The following AHCYL2 variants were observed in gnomAD, a reference collection of about 807,000 sequenced individuals.
AHCYL2 encodes the protein S-adenosylhomocysteine hydrolase-like protein 2.
AHCYL2 carries 28 observed loss-of-function variants against 81.4 expected under a neutral mutation model. That is an observed-to-expected ratio of 0.34 (90% CI 0.25 to 0.47). AHCYL2 has a LOEUF of 0.47. AHCYL2 is among the 20% of genes least tolerant of loss of function. The pLI, the probability that AHCYL2 is intolerant of heterozygous loss-of-function variation, is 1.00. For missense variants in AHCYL2, 551 were observed against 785.1 expected, an observed-to-expected ratio of 0.70 and a Z score of 3.56; for synonymous variants, 272 against 290.2, an observed-to-expected ratio of 0.94 and a Z score of 0.64.
intron 1 of AHCYL2, among the ~76,000 whole-genome samples, chr7:129,334,659 G>A (rs1162526699): frequency 6.6e-6 from 1 of 152,154 alleles, no homozygotes; most frequent in African/African-American, 2.4e-5. Context: ...AACTGCCCCA[G>A]GAGGCTGGTA....
intron 1 of AHCYL2, among the ~76,000 whole-genome samples, chr7:129,281,638 A>G (rs1376109382): frequency 1.3e-5 from 2 of 151,774 alleles, no homozygotes; most frequent in Non-Finnish European, 2.9e-5. Flanking sequence ...CTGGGACTAC[A>G]TGCCTGGCAC....
chr7:129,263,129 G>T (rs1330712407), intron 1 of AHCYL2, among the ~76,000 whole-genome samples: 1 of 152,176 alleles, frequency 6.6e-6, no homozygotes, highest in African/African-American at 2.4e-5. Context: ...AGTTTAGTCT[G>T]TTATGTTGTG....
intron 1 of AHCYL2, among the ~76,000 whole-genome samples, chr7:129,307,297 G>A (rs563183273): frequency 6.6e-6 from 1 of 152,282 alleles, no homozygotes; most frequent in South Asian, 2.1e-4. Flanking sequence ...TTCCATTGCA[G>A]CTATGCTGGC....
At chr7:129,269,829 C>T (rs1795946910) in intron 1 of AHCYL2, among the ~76,000 whole-genome samples, 1 of 152,168 alleles carries the variant, frequency 6.6e-6, no homozygotes, top group South Asian at 2.1e-4. Flanking sequence ...ATATCCTTAT[C>T]ACTAAATGCA....
chr7:129,383,244 T>A (rs1050974270), intron 2 of AHCYL2, among the ~76,000 whole-genome samples: 6 of 152,114 alleles, frequency 3.9e-5, no homozygotes, highest in African/African-American at 1.4e-4. Context: ...TGGCTTACTG[T>A]AGCCTCGAAC....
chr7:129,369,250 A>G (rs954255576), intron 1 of AHCYL2, among the ~76,000 whole-genome samples: 2 of 152,172 alleles, frequency 1.3e-5, no homozygotes, highest in Non-Finnish European at 2.9e-5. Flanking sequence ...GTTTCTAAAT[A>G]GTTTCTTCTA....
chr7:129,395,415 G>A (rs1016379546), intron 4 of AHCYL2, among the ~76,000 whole-genome samples: 2 of 152,186 alleles, frequency 1.3e-5, no homozygotes, highest in African/African-American at 4.8e-5. Flanking sequence ...TCTCCTATCT[G>A]TAGCAGCCAA....
intron 1 of AHCYL2, among the ~76,000 whole-genome samples, chr7:129,358,244 T>A (rs936239964): frequency 3.3e-5 from 5 of 151,678 alleles, no homozygotes; most frequent in Admixed American, 6.6e-5. Context: ...ATACAAAAAT[T>A]AGCCGGGCGT....
Position 129,429,869 on chromosome 7 carries a change from T to C in AHCYL2, c.*2824T>C, listed in dbSNP as rs1797511067. On this transcript the variant is annotated 3_prime_UTR_variant, in exon 17 of 17. Coordinates refer to ENST00000325006, the MANE Select transcript of AHCYL2 (RefSeq NM_015328.4). Reference sequence around the variant, plus strand: ...TAAACAGATCTGATATTGCTGCTCCTGTGGTTTTCTCAAAATTAACTTTGC... The same window carrying C: ...TAAACAGATCTGATATTGCTGCTCCCGTGGTTTTCTCAAAATTAACTTTGC... 6.5e-6 allele frequency: 1 copy of C among 152,734 alleles called. No individual in the cohort carries two copies. The highest frequency in any genetic ancestry group is 2.4e-5 in the African/African-American group (1 of 41,574). The allele number at this position is 152,734 out of a possible 1,614,324, so 9.5% of individuals were successfully genotyped here. A position where few individuals can be genotyped will look rare whatever the true frequency, so the allele number is the denominator to read the frequency against.
At chr7:129,348,405 C>A (rs1240142970) in intron 1 of AHCYL2, among the ~76,000 whole-genome samples, 1 of 147,566 alleles carries the variant, frequency 6.8e-6, no homozygotes, top group South Asian at 2.3e-4. Context: ...CCCCCCCCCA[C>A]ACACACACAT....
intron 2 of AHCYL2, among the ~76,000 whole-genome samples, chr7:129,386,831 TAGG>T (rs1294051590): frequency 6.6e-6 from 1 of 152,162 alleles, no homozygotes; most frequent in African/African-American, 2.4e-5. Context: ...GGTAGATTAG[TAGG>T]AGATGATGGA....
intron 1 of AHCYL2, among the ~76,000 whole-genome samples, chr7:129,267,496 G>C (rs1227510968): frequency 6.6e-6 from 1 of 151,834 alleles, no homozygotes; most frequent in African/African-American, 2.4e-5. Flanking sequence ...GTAGAGACAG[G>C]GTTTCTCCAT....
chr7:129,306,644 C>T (rs568841588), intron 1 of AHCYL2, among the ~76,000 whole-genome samples: 16 of 152,186 alleles, frequency 1.1e-4, no homozygotes, highest in African/African-American at 3.4e-4. Context: ...GGTCTTGATG[C>T]TTGTGGATGT....
intron 11 of AHCYL2, chr7:129,410,018 G>T: frequency 1.4e-6 from 1 of 739,662 alleles, no homozygotes; most frequent in Non-Finnish European, 2.2e-6. Flanking sequence ...GGTACATTCT[G>T]CTTGACTGCA....
In AHCYL2 at chr7:129,355,309, T is replaced by G. The variant is rs114259552; in HGVS notation, c.364-24329T>G. Among the ~76,000 whole-genome samples the G allele has an allele frequency of 7.2e-3, 1,092 of 152,348 alleles. 11 individuals are homozygous for G. The highest frequency in any genetic ancestry group is 0.024 in the African/African-American group (998 of 41,574). On this transcript the variant is annotated intron_variant, in intron 1 of 16. Coordinates refer to ENST00000325006, the MANE Select transcript of AHCYL2 (RefSeq NM_015328.4). ...AGTGTTCTTAAGCTCAAAAAGGCTGTGATGTGTGTTACTGAGAAAATGTGT... is the reference window on the plus strand; with the variant it reads ...AGTGTTCTTAAGCTCAAAAAGGCTGGGATGTGTGTTACTGAGAAAATGTGT...
chr7:129,260,236 A>G lies in AHCYL2; in HGVS notation c.363+34797A>G, dbSNP rs1484182310. Among the ~76,000 whole-genome samples, 29 of 152,176 alleles carry G rather than the reference A, an allele frequency of 1.9e-4. 1 individual carries two copies. The highest frequency in any genetic ancestry group is 1.9e-3 in the Admixed American group (29 of 15,282). ...TTTGTTGAGTTGTCATTCAGATCAC[A>G]ACAGATACTCTTGTATAACTGTCTT... On this transcript the variant is annotated intron_variant, in intron 1 of 16. Transcript: ENST00000325006.
chr7:129,318,547 A>T (rs1797903290), intron 1 of AHCYL2, among the ~76,000 whole-genome samples: 1 of 152,270 alleles, frequency 6.6e-6, no homozygotes, highest in South Asian at 2.1e-4. Flanking sequence ...ATTGTGGAAG[A>T]TAACGGATTA....
chr7:129,346,864 G>A (rs80103625), intron 1 of AHCYL2, among the ~76,000 whole-genome samples: 2,044 of 152,226 alleles, frequency 0.013, 24 homozygotes, highest in Non-Finnish European at 0.021. Flanking sequence ...TATAATTGCC[G>A]AAATTTGGAA....
At chr7:129,332,915 C>A (rs1304096244) in intron 1 of AHCYL2, among the ~76,000 whole-genome samples, 2 of 152,084 alleles carry the variant, frequency 1.3e-5, no homozygotes, top group African/African-American at 4.8e-5. Context: ...CTGATTCTCA[C>A]TCTGTTTATT....
Sources: gnomAD v4.1 joint callset for allele counts (sites outside exome capture counted in the v4.1 genomes callset) on GRCh38, gnomAD v4.1.1 for gene constraint, MANE v1.5 for transcripts, NCBI Gene and HGNC (gene_info 2026-07-23, HGNC 2026-07-21) for gene names.